The following LRP1B variants were observed in gnomAD, a reference collection of about 807,000 sequenced individuals.
The protein encoded by LRP1B is LDL receptor related protein 1B.
LRP1B carries 217 observed loss-of-function variants against 556.6 expected under a neutral mutation model. The ratio of observed to expected loss-of-function variants is 0.39; its 90% CI spans 0.35 to 0.44. LRP1B has a LOEUF of 0.44. Among genes scored for constraint, LRP1B ranks in the 20% least tolerant of loss-of-function variants. LRP1B has a pLI of 1.00. For missense variants in LRP1B, 5,053 were observed against 5,620.8 expected, an observed-to-expected ratio of 0.90 and a Z score of 3.23; for synonymous variants, 2,047 against 1,865.8, an observed-to-expected ratio of 1.10 and a Z score of -2.50.
intron 2 of LRP1B, among the ~76,000 whole-genome samples, chr2:141,525,641 A>C (rs1382450902): frequency 6.6e-6 from 1 of 152,134 alleles, no homozygotes; most frequent in East Asian, 1.9e-4. Flanking sequence ...ATTACACTGG[A>C]CTGGTCCTGG....
chr2:140,739,931 T>A (rs1688081569), intron 35 of LRP1B, among the ~76,000 whole-genome samples: 2 of 152,036 alleles, frequency 1.3e-5, no homozygotes, highest in Admixed American at 6.6e-5. Context: ...ATGCTCAACA[T>A]CACTAATGAT....
At chr2:141,866,956 T>C (rs182428234) in intron 1 of LRP1B, among the ~76,000 whole-genome samples, 1 of 152,306 alleles carries the variant, frequency 6.6e-6, no homozygotes, top group Admixed American at 6.5e-5. Flanking sequence ...GTTTTTGCCA[T>C]GTCAGTATCT....
intron 2 of LRP1B, among the ~76,000 whole-genome samples, chr2:141,609,790 A>G (rs1050007414): frequency 3.3e-5 from 5 of 152,066 alleles, no homozygotes; most frequent in African/African-American, 7.2e-5. Context: ...TTCCCCTAAC[A>G]TGTCCTCTAC....
intron 3 of LRP1B, among the ~76,000 whole-genome samples, chr2:141,376,312 C>T (rs1689434469): frequency 6.6e-6 from 1 of 152,198 alleles, no homozygotes; most frequent in African/African-American, 2.4e-5. Flanking sequence ...CATAAAAGCC[C>T]ATTTCAAAAT....
chr2:141,156,044 T>C (rs1352179177), intron 7 of LRP1B, among the ~76,000 whole-genome samples: 5 of 152,068 alleles, frequency 3.3e-5, no homozygotes, highest in African/African-American at 4.8e-5. Flanking sequence ...CTTTCTAGAA[T>C]CCAGGAAGAA....
At chr2:140,322,736 T>G (rs901109275) in intron 81 of LRP1B, among the ~76,000 whole-genome samples, 1 of 152,058 alleles carries the variant, frequency 6.6e-6, no homozygotes. Context: ...AGCTGATTTT[T>G]GACCTTTCCT....
At chr2:140,769,468 C>A in intron 34 of LRP1B, 124 bp from the exon 35 acceptor site, 1 of 1,035,556 alleles carries the variant, frequency 9.7e-7, no homozygotes, top group Non-Finnish European at 1.3e-6. Context: ...ATTTCCTGGC[C>A]TTTTAAAAAA....
rs1553477418 is a variant in LRP1B, at chr2:140,511,319, T to TTTTTTTG, written c.8270-1264_8270-1263insCAAAAAA. 6.9e-4 allele frequency among the ~76,000 whole-genome samples: 101 copies of TTTTTTTG among 145,798 alleles called. 2 individuals are homozygous for TTTTTTTG. The highest frequency in any genetic ancestry group is 2.5e-3 in the African/African-American group (96 of 38,822). On this transcript the variant is annotated intron_variant, in intron 51 of 90. Coordinates refer to ENST00000389484, the MANE Select transcript of LRP1B (RefSeq NM_018557.3). The stretch of plus-strand genomic sequence containing the variant: ...TTTTTTTTTTTTTTTTTTTTTTTTT[T>TTTTTTTG]GAGACGGAGTCTCGCTCTGTCGCCC...
intron 31 of LRP1B, among the ~76,000 whole-genome samples, chr2:140,826,093 C>T (rs930657956): frequency 1.3e-5 from 2 of 152,314 alleles, no homozygotes; most frequent in African/African-American, 2.4e-5. Context: ...TCTTCAGCTT[C>T]AGCTCCTGCC....
At chr2:140,764,808 G>C (rs553131714) in intron 35 of LRP1B, among the ~76,000 whole-genome samples, 1 of 152,020 alleles carries the variant, frequency 6.6e-6, no homozygotes, top group Admixed American at 6.6e-5. Flanking sequence ...AGCATCTATC[G>C]TTAACATTAG....
intron 10 of LRP1B, among the ~76,000 whole-genome samples, chr2:141,052,211 T>G (rs991184209): frequency 6.6e-6 from 1 of 152,048 alleles, no homozygotes; most frequent in Non-Finnish European, 1.5e-5. Context: ...TCTCAGTGTC[T>G]ACCTGATGTC....
At chr2:140,612,919 GC>G (rs1683118679) in intron 41 of LRP1B, among the ~76,000 whole-genome samples, 1 of 151,910 alleles carries the variant, frequency 6.6e-6, no homozygotes. Flanking sequence ...CACCACTTTT[GC>G]TTGGCATTTT....
At chr2:141,333,781 AG>A (rs1398831328) in intron 3 of LRP1B, among the ~76,000 whole-genome samples, 1 of 152,074 alleles carries the variant, frequency 6.6e-6, no homozygotes, top group Non-Finnish European at 1.5e-5. Flanking sequence ...TTTCCTGTGG[AG>A]GTTTTGTCTT....
chr2:140,438,316 A>G (rs908321866), intron 66 of LRP1B, among the ~76,000 whole-genome samples: 5 of 152,200 alleles, frequency 3.3e-5, no homozygotes, highest in Admixed American at 2.6e-4. Flanking sequence ...GAAATATTTT[A>G]TAATTTAACA....
chr2:140,940,640 C>T (rs184864429), intron 20 of LRP1B, among the ~76,000 whole-genome samples: 41 of 152,210 alleles, frequency 2.7e-4, no homozygotes, highest in Admixed American at 7.2e-4. Flanking sequence ...CTTATTTTTC[C>T]ATTGAGACAG....
chr2:140,731,472 T>C (rs552156274), intron 35 of LRP1B, among the ~76,000 whole-genome samples: 33 of 152,120 alleles, frequency 2.2e-4, no homozygotes, highest in African/African-American at 7.9e-4. Flanking sequence ...AGAATATAAG[T>C]AATTTAATAA....
intron 1 of LRP1B, among the ~76,000 whole-genome samples, chr2:141,845,011 T>C (rs1697596388): frequency 6.6e-6 from 1 of 151,668 alleles, no homozygotes; most frequent in African/African-American, 2.4e-5. Flanking sequence ...ACTTAATCTC[T>C]TTTATTCAAT....
intron 41 of LRP1B, among the ~76,000 whole-genome samples, chr2:140,699,738 C>T (rs1018162163): frequency 1.0e-4 from 15 of 148,942 alleles, no homozygotes; most frequent in African/African-American, 3.7e-4. Context: ...AATATTAGAT[C>T]ATTTCCATAA....
chr2:140,601,461 A>T lies in LRP1B; in HGVS notation c.6978T>A (p.Asp2326Glu), dbSNP rs1682668416. Residue 2326 changes from aspartate (D) to glutamate (E), a missense_variant, in exon 42 of 91, where the codon GAT becomes GAA. By Grantham distance (45) the Asp-to-Glu change is conservative (BLOSUM62 2). Transcript: ENST00000389484. ...ACACTGTTTCTTACTTTTGACATTCATCCAAGGCTAGCACATGTGGATGGT... is the reference window on the plus strand; with the variant it reads ...ACACTGTTTCTTACTTTTGACATTCTTCCAAGGCTAGCACATGTGGATGGT... ...EDDHPHVLAL[D>E]ECQNLMFWTN... The T allele has an allele frequency of 6.2e-7, 1 of 1,610,458 alleles. No individual in the cohort carries two copies. Among genetic ancestry groups the T allele is most frequent in the Non-Finnish European group, 8.5e-7 (1 of 1,177,702 alleles).
Sources: allele counts gnomAD v4.1 joint callset (sites outside exome capture counted in the v4.1 genomes callset), GRCh38; gene constraint gnomAD v4.1.1; transcripts MANE v1.5; gene names NCBI Gene and HGNC (gene_info 2026-07-23, HGNC 2026-07-21).